The following MCHR2 variants were observed in gnomAD, a reference collection of about 807,000 sequenced individuals.
MCHR2 encodes melanin-concentrating hormone receptor 2.
A neutral mutation model predicts 24.8 loss-of-function variants in MCHR2; 15 were observed. That is an observed-to-expected ratio of 0.60 (90% CI 0.40 to 0.93). MCHR2 has a LOEUF of 0.93. MCHR2 is among the 40% of genes least tolerant of loss of function. The pLI is 0.00. For synonymous variants in MCHR2, 151 were observed against 147.6 expected (o/e 1.02, Z -0.17); for missense variants, 386 against 408.7 (o/e 0.94, Z 0.48).
intron 1 of MCHR2, among the ~76,000 whole-genome samples, chr6:99,992,751 CCTTGTAATTAT>C: frequency 6.6e-6 from 1 of 152,250 alleles, no homozygotes; most frequent in Non-Finnish European, 1.5e-5. Context: ...ATAACATTGC[CCTTGTAATTAT>C]CTTGTCATAG....
At chr6:99,975,147 G>T (rs1324871040) in intron 1 of MCHR2, among the ~76,000 whole-genome samples, 1 of 152,204 alleles carries the variant, frequency 6.6e-6, no homozygotes, top group African/African-American at 2.4e-5. Context: ...CTGTCTTTTT[G>T]TTTGTTTTTT....
intron 1 of MCHR2, among the ~76,000 whole-genome samples, chr6:99,966,871 A>T (rs1017866553): frequency 6.6e-6 from 1 of 151,158 alleles, no homozygotes; most frequent in African/African-American, 2.4e-5. Flanking sequence ...ATCCAGGAAA[A>T]CTCCCCCTAA....
In MCHR2 at chr6:99,955,585, T is replaced by G. The variant is rs141160660; in HGVS notation, c.182+381A>C. Among the ~76,000 whole-genome samples the G allele has an allele frequency of 8.7e-4, 132 of 152,252 alleles. 1 individual carries two copies. The highest frequency in any genetic ancestry group is 3.4e-3 in the Middle Eastern group (1 of 294). ...GGAAAATGAAATGTTGCATTGCAGT[T>G]TTAAATCTTACCCGGGCCCTACCCT... On this transcript the variant is annotated intron_variant, in intron 2 of 5. Coordinates refer to ENST00000281806, the MANE Select transcript of MCHR2 (RefSeq NM_001040179.2).
intron 1 of MCHR2, among the ~76,000 whole-genome samples, chr6:99,969,540 T>C (rs1195370243): frequency 6.6e-6 from 1 of 151,700 alleles, no homozygotes; most frequent in Non-Finnish European, 1.5e-5. Flanking sequence ...AGGCATATTT[T>C]TGAGTAAAGC....
intron 1 of MCHR2, among the ~76,000 whole-genome samples, chr6:99,970,875 T>A (rs1775401195): frequency 6.6e-6 from 1 of 152,228 alleles, no homozygotes; most frequent in African/African-American, 2.4e-5. Flanking sequence ...TGGTTGTAGA[T>A]ATGCGGCATT....
chr6:99,982,467 G>GAAAAAAA lies in MCHR2; in HGVS notation c.-28+11462_-28+11468dup, dbSNP rs1196029682. On this transcript the variant is annotated intron_variant, in intron 1 of 5. Transcript: ENST00000281806. Reference sequence around the variant, plus strand: ...AATATGGAGAAACCTTGTCTGTACAGAAAAAAAAAAAAAAAAAAAAAAAAA... The same window carrying GAAAAAAA: ...AATATGGAGAAACCTTGTCTGTACAGAAAAAAAAAAAAAAAAAAAAAAAAAAAAAAAA... Among the ~76,000 whole-genome samples, 51 of 46,538 alleles carry GAAAAAAA rather than the reference G, an allele frequency of 1.1e-3. 3 individuals are homozygous for GAAAAAAA. Among genetic ancestry groups the GAAAAAAA allele is most frequent in the East Asian group, 2.2e-3 (3 of 1,368 alleles). The allele number at this position is 46,538 out of a possible 152,430, so 30.5% of individuals were successfully genotyped here.
intron 5 of MCHR2, among the ~76,000 whole-genome samples, chr6:99,932,248 C>T (rs1379632536): frequency 6.6e-6 from 1 of 152,054 alleles, no homozygotes; most frequent in Non-Finnish European, 1.5e-5. Flanking sequence ...AATAACAAAG[C>T]ATTAAATTAT....
chr6:99,937,226 A>G (rs1333356866), intron 4 of MCHR2, among the ~76,000 whole-genome samples: 1 of 151,976 alleles, frequency 6.6e-6, no homozygotes, highest in Non-Finnish European at 1.5e-5. Context: ...TGCTCTGGCT[A>G]GGATTTCTGA....
chr6:99,991,723 C>T (rs1445585667), intron 1 of MCHR2, among the ~76,000 whole-genome samples: 4 of 149,910 alleles, frequency 2.7e-5, no homozygotes, highest in African/African-American at 4.9e-5. Context: ...AGGAGAATGG[C>T]GAGAACCCGG....
intron 5 of MCHR2, among the ~76,000 whole-genome samples, chr6:99,929,323 G>C (rs1219438720): frequency 2.6e-5 from 4 of 151,776 alleles, no homozygotes; most frequent in East Asian, 1.9e-4. Flanking sequence ...TGTTGATTTG[G>C]GGTGGAGAGT....
chr6:99,940,939 G>A (rs893862351), intron 4 of MCHR2, among the ~76,000 whole-genome samples: 1 of 152,020 alleles, frequency 6.6e-6, no homozygotes, highest in African/African-American at 2.4e-5. Context: ...CTCTGATTTA[G>A]TGTCTCCTTT....
chr6:99,928,976 G>A (rs1308350367), intron 5 of MCHR2, among the ~76,000 whole-genome samples: 1 of 151,982 alleles, frequency 6.6e-6, no homozygotes, highest in East Asian at 1.9e-4. Flanking sequence ...TGGGCATTTA[G>A]TGCTATAAAT....
intron 2 of MCHR2, among the ~76,000 whole-genome samples, chr6:99,953,302 T>A (rs1774999694): frequency 6.6e-6 from 1 of 152,126 alleles, no homozygotes; most frequent in African/African-American, 2.4e-5. Flanking sequence ...GGCTAACACC[T>A]AATAAGGACC....
At position 99,956,057 on chromosome 6, in the gene MCHR2, C is replaced by T. The variant is rs1285775403; in HGVS notation, c.91G>A (p.Val31Met). ...GAAGGGAGGATGACTGTATCTACCA[C>T]ACTGGCAGTTTGATAAGCAAACTCT... ...NKEFAYQTAS[V>M]VDTVILPSMI... The change falls in exon 2 of 6, where the codon GTG becomes ATG. Residue 31 changes from valine (V) to methionine (M), a missense_variant. Physicochemically the swap from Val to Met is conservative, Grantham distance 21. Transcript: ENST00000281806. The T allele has an allele frequency of 3.1e-6, 5 of 1,613,318 alleles. No individual in the cohort carries two copies. The Admixed American group carries it at 5.0e-5, about 16-fold the overall frequency.
chr6:99,949,647 A>G (rs748642654), intron 2 of MCHR2, among the ~76,000 whole-genome samples: 48 of 152,150 alleles, frequency 3.2e-4, no homozygotes, highest in Non-Finnish European at 5.4e-4. Flanking sequence ...AGTTACTGCC[A>G]TGGAGTCCTT....
chr6:99,938,209 T>C (rs1433437845), intron 4 of MCHR2, among the ~76,000 whole-genome samples: 1 of 152,038 alleles, frequency 6.6e-6, no homozygotes. Context: ...ATTTCTGCTC[T>C]AATCTTCATT....
In MCHR2 at chr6:99,943,125, T is replaced by C. The variant is rs373510354; in HGVS notation, c.411A>G (p.Gln137=). The change falls in exon 4 of 6, where the codon CAA becomes CAG. Residue 137 remains glutamine, a synonymous_variant. Transcript: ENST00000281806. ...MSVDRYFALV[Q]PFRLTRWRTR... Reference sequence around the variant, plus strand: ...TTCTCCAACGTGTCAGTCGAAATGGTTGGACGAGGGCAAAGTACCTGCAAA... The same window carrying C: ...TTCTCCAACGTGTCAGTCGAAATGGCTGGACGAGGGCAAAGTACCTGCAAA... The C allele has an allele frequency of 2.8e-5, 45 of 1,610,014 alleles. 1 individual carries two copies. Among genetic ancestry groups the C allele is most frequent in the East Asian group, 1.8e-4 (8 of 44,836 alleles).
intron 1 of MCHR2, 101 bp downstream of exon 1, chr6:99,993,835 G>A (rs1488305413): frequency 6.6e-6 from 1 of 152,040 alleles, no homozygotes; most frequent in African/African-American, 2.4e-5. Flanking sequence ...AGGGGCGACT[G>A]GTGGACCAGG....
At chr6:99,934,288 A>G (rs1774605913) in intron 5 of MCHR2, 110 bp downstream of exon 5, 3 of 1,139,894 alleles carry the variant, frequency 2.6e-6, no homozygotes, top group South Asian at 2.5e-5. Context: ...ATCAATGTCC[A>G]CATGTCTAAA....
Sources: allele counts gnomAD v4.1 joint callset (sites outside exome capture counted in the v4.1 genomes callset), GRCh38; gene constraint gnomAD v4.1.1; transcripts MANE v1.5; gene names NCBI Gene and HGNC (gene_info 2026-07-23, HGNC 2026-07-21).